The following CLSTN2 variants were observed in gnomAD, a reference collection of about 807,000 sequenced individuals.
CLSTN2 encodes calsyntenin 2.
Under a neutral mutation model 101.2 loss-of-function variants are expected in CLSTN2, and 48 were observed. The ratio of observed to expected loss-of-function variants is 0.47; its 90% CI spans 0.38 to 0.60. The LOEUF is 0.60. Among genes scored for constraint, CLSTN2 ranks in the 20% least tolerant of loss-of-function variants. CLSTN2 has a pLI of 0.00. For missense variants in CLSTN2, 1,160 were observed against 1,238.2 expected (o/e 0.94, Z 0.95); for synonymous variants, 481 against 463.6 (o/e 1.04, Z -0.48).
intron 1 of CLSTN2, among the ~76,000 whole-genome samples, chr3:140,174,595 A>G (rs2010292132): frequency 6.6e-6 from 1 of 152,218 alleles, no homozygotes; most frequent in African/African-American, 2.4e-5. Context: ...TACAAAAGAA[A>G]GAGGTTTAAT....
intron 2 of CLSTN2, among the ~76,000 whole-genome samples, chr3:140,335,570 G>A (rs1481673523): frequency 2.0e-5 from 3 of 151,870 alleles, no homozygotes; most frequent in Non-Finnish European, 2.9e-5. Context: ...ACCTGGGTCT[G>A]CAATATCCTA....
At chr3:140,415,511 C>CA (rs1266768081) in intron 4 of CLSTN2, among the ~76,000 whole-genome samples, 1 of 66,322 alleles carries the variant, frequency 1.5e-5, no homozygotes, top group African/African-American at 5.4e-5. Context: ...AAAAAAAAAA[C>CA]AAACTGATTT....
At chr3:140,214,123 C>A (rs899830230) in intron 2 of CLSTN2, among the ~76,000 whole-genome samples, 2 of 151,930 alleles carry the variant, frequency 1.3e-5, no homozygotes, top group Admixed American at 1.3e-4. Context: ...TAGGGTTATC[C>A]GAGCCTCAAC....
chr3:140,265,980 C>T lies in CLSTN2; in HGVS notation c.232+89907C>T, dbSNP rs528924281. Among the ~76,000 whole-genome samples, 4 of 152,320 alleles carry T rather than the reference C, an allele frequency of 2.6e-5. No individual in the cohort carries two copies. In the South Asian group the frequency reaches 8.3e-4, roughly 32 times the overall value. ...GTAGCTGGTGCAGACATCATCACTACATGGCCTCAGCTCAGCCAGCTAAGG... is the reference window on the plus strand; with the variant it reads ...GTAGCTGGTGCAGACATCATCACTATATGGCCTCAGCTCAGCCAGCTAAGG... On this transcript the variant is annotated intron_variant, in intron 2 of 16. Transcript: ENST00000458420.
intron 5 of CLSTN2, 50 bp from the exon 6 acceptor site, chr3:140,448,469 C>G: frequency 6.9e-7 from 1 of 1,458,830 alleles, no homozygotes; most frequent in Non-Finnish European, 9.5e-7. Flanking sequence ...AATGTTCCAG[C>G]AGAACTGACT....
intron 2 of CLSTN2, among the ~76,000 whole-genome samples, chr3:140,192,568 A>AT (rs530148324): frequency 3.4e-5 from 5 of 149,204 alleles, no homozygotes; most frequent in Non-Finnish European, 7.5e-5. Flanking sequence ...GTCTCCAGTA[A>AT]TTTTTTTTTT....
chr3:140,038,652 T>A (rs1033627557), intron 1 of CLSTN2, among the ~76,000 whole-genome samples: 12 of 152,120 alleles, frequency 7.9e-5, no homozygotes, highest in African/African-American at 2.2e-4. Flanking sequence ...ACCCACAATG[T>A]CATTATCGCT....
intron 2 of CLSTN2, among the ~76,000 whole-genome samples, chr3:140,371,998 G>T (rs989986418): frequency 6.6e-6 from 1 of 152,152 alleles, no homozygotes; most frequent in Admixed American, 6.5e-5. Flanking sequence ...GGGGATCTGG[G>T]TGGAGCAGGG....
Position 140,566,629 on chromosome 3 carries a change from C to T in CLSTN2, c.*376C>T, listed in dbSNP as rs532940615. On this transcript the variant is annotated 3_prime_UTR_variant, in exon 17 of 17. Coordinates refer to ENST00000458420, the MANE Select transcript of CLSTN2 (RefSeq NM_022131.3). ...CAGAGTCCCCAAGGCCCTGGGGTTC[C>T]AACTCACTGTGCGTCTCCTCCACAC... The T allele has an allele frequency of 7.1e-6, 2 of 282,088 alleles. No homozygotes were observed. The highest frequency in any genetic ancestry group is 4.3e-5 in the African/African-American group (2 of 46,998). The allele number at this position is 282,088 out of a possible 1,614,324, so 17.5% of individuals were successfully genotyped here.
intron 1 of CLSTN2, among the ~76,000 whole-genome samples, chr3:140,066,219 C>T (rs1313915347): frequency 1.3e-5 from 2 of 152,040 alleles, no homozygotes; most frequent in East Asian, 3.9e-4. Context: ...TTCTGTGCTT[C>T]TCAGTGTCTG....
intron 2 of CLSTN2, among the ~76,000 whole-genome samples, chr3:140,335,481 C>T (rs570791579): frequency 2.6e-4 from 40 of 151,804 alleles, no homozygotes; most frequent in Middle Eastern, 3.4e-3. Flanking sequence ...CCCACTGACC[C>T]TGGAAGTGGC....
chr3:140,504,699 T>C (rs1394291376), intron 8 of CLSTN2, among the ~76,000 whole-genome samples: 3 of 152,232 alleles, frequency 2.0e-5, no homozygotes, highest in Non-Finnish European at 4.4e-5. Context: ...AACCAGCACA[T>C]GCTTTGCCTG....
intron 1 of CLSTN2, among the ~76,000 whole-genome samples, chr3:140,142,924 A>G (rs1007543986): frequency 6.6e-6 from 1 of 151,946 alleles, no homozygotes; most frequent in Non-Finnish European, 1.5e-5. Context: ...ACAATTTTAA[A>G]CTCTACAAGC....
chr3:140,426,370 A>G (rs113676294), intron 5 of CLSTN2, among the ~76,000 whole-genome samples: 1 of 152,218 alleles, frequency 6.6e-6, no homozygotes, highest in Non-Finnish European at 1.5e-5. Context: ...AAATGAAAAC[A>G]TACAGTGTTT....
chr3:140,251,973 G>A (rs1038618818), intron 2 of CLSTN2, among the ~76,000 whole-genome samples: 1 of 152,144 alleles, frequency 6.6e-6, no homozygotes, highest in Non-Finnish European at 1.5e-5. Context: ...CAGCTGCAGT[G>A]GGGAGACAGG....
chr3:140,448,770 T>C (rs1265233743), intron 6 of CLSTN2, 66 bp downstream of exon 6: 1 of 1,356,762 alleles, frequency 7.4e-7, no homozygotes, highest in Non-Finnish European at 1.0e-6. Flanking sequence ...CAAAAAAGCA[T>C]ATCTTATTGT....
chr3:140,074,131 T>C (rs2008443563), intron 1 of CLSTN2, among the ~76,000 whole-genome samples: 1 of 152,204 alleles, frequency 6.6e-6, no homozygotes, highest in African/African-American at 2.4e-5. Context: ...GCTTGCTGTT[T>C]TGCTTTTTTT....
At chr3:140,119,414 G>C (rs1384542656) in intron 1 of CLSTN2, among the ~76,000 whole-genome samples, 2 of 152,212 alleles carry the variant, frequency 1.3e-5, no homozygotes, top group Non-Finnish European at 2.9e-5. Context: ...CAAGTAATAA[G>C]TCTAAAACAT....
intron 1 of CLSTN2, among the ~76,000 whole-genome samples, chr3:140,135,214 C>A (rs563914399): frequency 4.3e-5 from 6 of 140,312 alleles, no homozygotes; most frequent in Non-Finnish European, 9.2e-5. Context: ...TACACATTTG[C>A]ATATCAAAGA....
Sources: gnomAD v4.1 joint callset for allele counts (sites outside exome capture counted in the v4.1 genomes callset) on GRCh38, gnomAD v4.1.1 for gene constraint, MANE v1.5 for transcripts, NCBI Gene and HGNC (gene_info 2026-07-23, HGNC 2026-07-21) for gene names.